Variants in ST8SIA4 observed in about 807,000 individuals in gnomAD.
ST8SIA4 encodes the protein ST8 alpha-N-acetyl-neuraminide alpha-2,8-sialyltransferase 4, also known as CMP-N-acetylneuraminate-poly-alpha-2,8-sialyltransferase.
In ST8SIA4, 15 loss-of-function variants were observed where a neutral mutation model predicts 33.9. The ratio of observed to expected loss-of-function variants is 0.44; its 90% CI spans 0.30 to 0.68. The LOEUF is 0.68. Among genes scored for constraint, ST8SIA4 ranks in the 30% least tolerant of loss-of-function variants. ST8SIA4 has a pLI of 0.10. For synonymous variants in ST8SIA4, 171 were observed against 151.2 expected (o/e 1.13, Z -0.96); for missense variants, 321 against 428.0 (o/e 0.75, Z 2.21).
chr5:100,840,869 A>G (rs1187270246), intron 4 of ST8SIA4, among the ~76,000 whole-genome samples: 1 of 151,598 alleles, frequency 6.6e-6, no homozygotes. Flanking sequence ...TTTTTTCAAA[A>G]AAGATTGTTT....
At position 100,831,395 on chromosome 5, in the gene ST8SIA4, T is replaced by C. The variant is rs116589855; in HGVS notation, c.798-19266A>G. Among the ~76,000 whole-genome samples the C allele has an allele frequency of 5.9e-3, 894 of 152,294 alleles. 6 individuals are homozygous for C. Among genetic ancestry groups the C allele is most frequent in the African/African-American group, 0.019 (805 of 41,562 alleles). The stretch of plus-strand genomic sequence containing the variant: ...ATCAAGACAATCTCCAAAATGTAAC[T>C]ATAAAAAATACTAAAATTATACCTT... On this transcript the variant is annotated intron_variant, in intron 4 of 4. Transcript: ENST00000231461.
chr5:100,849,696 C>G (rs1458346854), intron 4 of ST8SIA4, among the ~76,000 whole-genome samples: 1 of 151,824 alleles, frequency 6.6e-6, no homozygotes, highest in Non-Finnish European at 1.5e-5. Context: ...GAGGCTGAGG[C>G]AGAAGAATCA....
At chr5:100,820,357 T>A (rs1233581273) in intron 4 of ST8SIA4, among the ~76,000 whole-genome samples, 2 of 152,160 alleles carry the variant, frequency 1.3e-5, no homozygotes, top group Non-Finnish European at 2.9e-5. Flanking sequence ...AGATCATCCC[T>A]ACTGAAAAAC....
At chr5:100,831,025 T>C (rs1305998317) in intron 4 of ST8SIA4, among the ~76,000 whole-genome samples, 1 of 152,228 alleles carries the variant, frequency 6.6e-6, no homozygotes, top group Non-Finnish European at 1.5e-5. Flanking sequence ...CACATACATA[T>C]AGGACTTATA....
intron 3 of ST8SIA4, among the ~76,000 whole-genome samples, chr5:100,880,684 T>C (rs1561404244): frequency 6.6e-6 from 1 of 152,180 alleles, no homozygotes; most frequent in Non-Finnish European, 1.5e-5. Flanking sequence ...AATCAAGAGA[T>C]GATGTTGGCT....
chr5:100,828,365 T>A lies in ST8SIA4; in HGVS notation c.798-16236A>T, dbSNP rs149398493. On this transcript the variant is annotated intron_variant, in intron 4 of 4. Transcript: ENST00000231461. ...TCCAAAACATTCACTCATAGCTCCC[T>A]GAGAAAGCAACTTTCCGGTACTCCT... 1.3e-3 allele frequency among the ~76,000 whole-genome samples: 205 copies of A among 152,300 alleles called. 1 individual carries two copies. The highest frequency in any genetic ancestry group is 4.5e-3 in the African/African-American group (188 of 41,562).
chr5:100,889,954 T>A (rs911694898), intron 2 of ST8SIA4, among the ~76,000 whole-genome samples: 11 of 151,986 alleles, frequency 7.2e-5, no homozygotes, highest in Admixed American at 6.6e-4. Context: ...AAACTTGGAA[T>A]TCGATATTTT....
intron 1 of ST8SIA4, among the ~76,000 whole-genome samples, chr5:100,899,680 G>C (rs1309218041): frequency 1.3e-5 from 2 of 152,126 alleles, no homozygotes; most frequent in Non-Finnish European, 2.9e-5. Flanking sequence ...TAAAGTTTAT[G>C]TTACACTTTC....
At chr5:100,855,801 A>G (rs908819242) in intron 4 of ST8SIA4, among the ~76,000 whole-genome samples, 1 of 152,204 alleles carries the variant, frequency 6.6e-6, no homozygotes, top group Non-Finnish European at 1.5e-5. Flanking sequence ...CCCAAAGCTC[A>G]TTAATTTTAC....
At position 100,856,213 on chromosome 5, in the gene ST8SIA4, C is replaced by A; in HGVS notation, c.687G>T (p.Met229Ile). The A allele has an allele frequency of 1.2e-6, 2 of 1,614,092 alleles. No individual in the cohort carries two copies. Among genetic ancestry groups the A allele is most frequent in the Non-Finnish European group, 1.7e-6 (2 of 1,179,990 alleles). Reference sequence around the variant, plus strand: ...CCACGTGCTTCTCTCCTCCTTTGACCATGAAAGCAGGAATCCAAAGGACAC... The same window carrying A: ...CCACGTGCTTCTCTCCTCCTTTGACAATGAAAGCAGGAATCCAAAGGACAC... ...NDSVLWIPAF[M>I]VKGGEKHVEW... Residue 229 changes from methionine to isoleucine, a missense_variant, in exon 4 of 5, where the codon ATG becomes ATT. Physicochemically the swap from Met to Ile is conservative, Grantham distance 10. Coordinates refer to ENST00000231461, the MANE Select transcript of ST8SIA4 (RefSeq NM_005668.6).
chr5:100,854,968 C>G (rs55667057), intron 4 of ST8SIA4, among the ~76,000 whole-genome samples: 2,029 of 152,300 alleles, frequency 0.013, 39 homozygotes, highest in African/African-American at 0.047. Flanking sequence ...AAATAAATGT[C>G]TGCAGTTACA....
chr5:100,840,770 G>C (rs1287366973), intron 4 of ST8SIA4, among the ~76,000 whole-genome samples: 1 of 126,702 alleles, frequency 7.9e-6, no homozygotes, highest in African/African-American at 2.8e-5. Context: ...TTGTCTCTAG[G>C]TTACTTAAGA....
intron 2 of ST8SIA4, 67 bp downstream of exon 2, chr5:100,895,587 G>A: frequency 5.3e-6 from 8 of 1,504,238 alleles, no homozygotes; most frequent in Non-Finnish European, 6.3e-6. Context: ...TTGAATACAA[G>A]TTTGCCAAGC....
Position 100,810,642 on chromosome 5 carries a change from T to A in ST8SIA4, c.*1205A>T, listed in dbSNP as rs896592653. The A allele has an allele frequency of 6.6e-6, 1 of 152,532 alleles. No homozygotes were observed. Among genetic ancestry groups the A allele is most frequent in the African/African-American group, 2.4e-5 (1 of 41,412 alleles). The allele number at this position is 152,532 out of a possible 1,614,324, so 9.4% of individuals were successfully genotyped here. On this transcript the variant is annotated 3_prime_UTR_variant, in exon 5 of 5. Coordinates refer to ENST00000231461, the MANE Select transcript of ST8SIA4 (RefSeq NM_005668.6). Reference sequence around the variant, plus strand: ...GACAACTTTCACATTAATAGCAAAATAATATATTCATGTTAATAATATATT... The same window carrying A: ...GACAACTTTCACATTAATAGCAAAAAAATATATTCATGTTAATAATATATT...
intron 4 of ST8SIA4, among the ~76,000 whole-genome samples, chr5:100,826,864 A>G (rs777307807): frequency 7.9e-5 from 12 of 151,798 alleles, no homozygotes; most frequent in Non-Finnish European, 1.3e-4. Flanking sequence ...ACAATTATAT[A>G]TAATACATTA....
chr5:100,886,206 G>T, intron 3 of ST8SIA4, 137 bp downstream of exon 3: 1 of 1,441,666 alleles, frequency 6.9e-7, no homozygotes. Flanking sequence ...TAATTTAAAT[G>T]TTGCACAGAA....
At chr5:100,855,592 A>G (rs1331070215) in intron 4 of ST8SIA4, among the ~76,000 whole-genome samples, 1 of 152,208 alleles carries the variant, frequency 6.6e-6, no homozygotes, top group Non-Finnish European at 1.5e-5. Context: ...ATAAAAGGGA[A>G]ATGTTGGCTT....
intron 3 of ST8SIA4, among the ~76,000 whole-genome samples, chr5:100,870,450 G>A (rs867086075): frequency 2.0e-5 from 3 of 152,126 alleles, no homozygotes; most frequent in Middle Eastern, 3.2e-3. Context: ...TTTTGGAAAA[G>A]CTGTTATCAG....
chr5:100,900,405 G>A (rs1377327709), intron 1 of ST8SIA4: 1 of 456,240 alleles, frequency 2.2e-6, no homozygotes, highest in Admixed American at 2.3e-5. Context: ...GGCTTGGGTA[G>A]AAAGACAGTC....
Sources: gnomAD v4.1 joint callset for allele counts (sites outside exome capture counted in the v4.1 genomes callset) on GRCh38, gnomAD v4.1.1 for gene constraint, MANE v1.5 for transcripts, NCBI Gene and HGNC (gene_info 2026-07-23, HGNC 2026-07-21) for gene names.